Variants in CFAP65 observed in about 807,000 individuals in gnomAD.
CFAP65 encodes the protein cilia and flagella associated protein 65.
Under a neutral mutation model 208.0 loss-of-function variants are expected in CFAP65, and 155 were observed. The ratio of observed to expected loss-of-function variants is 0.75; its 90% CI spans 0.65 to 0.85. The LOEUF is 0.85. CFAP65 is among the 40% of genes least tolerant of loss of function. The probability of loss-of-function intolerance (pLI) is 0.00; values close to 1 mark genes in which losing one functional copy is unlikely to be tolerated. For synonymous variants in CFAP65, 970 were observed against 986.3 expected, an observed-to-expected ratio of 0.98 and a Z score of 0.31; for missense variants, 2,294 against 2,451.3, an observed-to-expected ratio of 0.94 and a Z score of 1.36.
intron 20 of CFAP65, 133 bp from the exon 21 acceptor site, chr2:219,019,312 G>T (rs370960377): frequency 2.4e-6 from 3 of 1,259,418 alleles, no homozygotes; most frequent in African/African-American, 1.5e-5. Flanking sequence ...CGCAAGGGTG[G>T]GCTGGCTCTT....
Position 219,013,285 on chromosome 2 carries a change from TG to T in CFAP65, c.3930del (p.Ile1311LeufsTer21). ...TGCCGTGGGGGTAGCGTGTCACCAA[TG>T]GGAATGGGGATGAACTGGTGGGTAG... ...TSTTHQFIPI[P>X]IGDTLPPRQI... On this transcript the variant is annotated frameshift_variant, in exon 24 of 35. Transcript: ENST00000341552. LOFTEE classifies it high-confidence loss of function. 1 of 1,613,814 alleles carries T rather than the reference TG, an allele frequency of 6.2e-7. No individual in the cohort carries two copies. The highest frequency in any genetic ancestry group is 8.5e-7 in the Non-Finnish European group (1 of 1,179,848).
rs1307408481 is a variant in CFAP65 at position 219,029,480 on chromosome 2, T to C, written c.1573A>G (p.Met525Val). ...GGCTGGAAGGCACAGTGCAGGGTCA[T>C]ACGGGCCTTGCCCACCAGCGTCCCA... is the stretch of plus-strand genomic sequence containing the variant. ...AFGTLVGKAR[M>V]TLHCAFQPTH... The change falls in exon 11 of 35, where the codon ATG becomes GTG. Residue 525 changes from methionine to valine, a missense_variant. By Grantham distance (21) the Met-to-Val change is conservative. Coordinates refer to ENST00000341552, the MANE Select transcript of CFAP65 (RefSeq NM_194302.4). 5 of 1,614,080 alleles carry C rather than the reference T, an allele frequency of 3.1e-6. No individual in the cohort carries two copies. The East Asian group carries it at 1.1e-4, about 36-fold the overall frequency.
intron 21 of CFAP65, chr2:219,015,022 G>T: frequency 6.7e-6 from 1 of 148,684 alleles, no homozygotes. Flanking sequence ...CTGAGAGAAA[G>T]CGCACAAAAG....
chr2:219,006,383 A>G, intron 30 of CFAP65, 82 bp downstream of exon 30: 2 of 1,555,348 alleles, frequency 1.3e-6, no homozygotes, highest in Non-Finnish European at 1.8e-6. Flanking sequence ...AGTCTGGTCC[A>G]GGGGTTGGAG....
Position 219,024,154 on chromosome 2 carries a change from T to C in CFAP65, c.2456A>G (p.Asp819Gly). Residue 819 changes from aspartate (D) to glycine (G), a missense_variant, in exon 15 of 35, where the codon GAC (aspartate) becomes GGC (glycine). By Grantham distance (94) the Asp-to-Gly change is moderately conservative. Coordinates refer to ENST00000341552, the MANE Select transcript of CFAP65 (RefSeq NM_194302.4). ...TFSLAPQRGS[D>G]VILRPTSGLV... Reference sequence around the variant, plus strand: ...GCCCGAAGTGGGCCGAAGGATGACGTCTGAGCCTCTCTGGGGGGCCAGGCT... The same window carrying C: ...GCCCGAAGTGGGCCGAAGGATGACGCCTGAGCCTCTCTGGGGGGCCAGGCT... 1.2e-6 allele frequency: 2 copies of C among 1,613,960 alleles called. No individual in the cohort carries two copies. Among genetic ancestry groups the C allele is most frequent in the Non-Finnish European group, 8.5e-7 (1 of 1,180,008 alleles).
Position 219,005,289 on chromosome 2 carries a change from G to C in CFAP65, c.5051+145C>G, listed in dbSNP as rs1001780685. 3.6e-6 allele frequency: 4 copies of C among 1,123,288 alleles called. No homozygotes were observed. In the Admixed American group the frequency reaches 8.1e-5, roughly 23 times the overall value. 69.6% of individuals were successfully genotyped at this position (1,123,288 alleles called of 1,614,324 possible). On this transcript the variant is annotated intron_variant, in intron 32 of 34. Transcript: ENST00000341552. Reference sequence around the variant, plus strand: ...CACCCGCCCACTGCTGCCTCCCAAAGTGTTGGAATTACAGGCAAGAACCTC... The same window carrying C: ...CACCCGCCCACTGCTGCCTCCCAAACTGTTGGAATTACAGGCAAGAACCTC...
At chr2:219,025,544 G>A (rs934411310) in intron 14 of CFAP65, among the ~76,000 whole-genome samples, 1 of 152,130 alleles carries the variant, frequency 6.6e-6, no homozygotes, top group Non-Finnish European at 1.5e-5. Flanking sequence ...GGTCAGGCAG[G>A]GCTTCTAAGG....
At chr2:219,028,069 C>T in intron 12 of CFAP65, 60 bp from the exon 13 acceptor site, 2 of 1,527,300 alleles carry the variant, frequency 1.3e-6, no homozygotes, top group Non-Finnish European at 1.8e-6. Flanking sequence ...TGTTGCCCCT[C>T]CTGGGTACAC....
chr2:219,021,689 G>T, intron 18 of CFAP65, 91 bp downstream of exon 18: 1 of 1,409,436 alleles, frequency 7.1e-7, no homozygotes, highest in Non-Finnish European at 9.8e-7. Context: ...GGGACTACAG[G>T]CGCGTGCCAG....
At position 219,032,390 on chromosome 2, in the gene CFAP65, G is replaced by T; in HGVS notation, c.645+80C>A. ...CATGTGTGTGTGCCGGGGCGCTCCTGGTTGCTCTGTCCTGTTTTCTGTTCT... is the reference window on the plus strand; with the variant it reads ...CATGTGTGTGTGCCGGGGCGCTCCTTGTTGCTCTGTCCTGTTTTCTGTTCT... On this transcript the variant is annotated intron_variant, in intron 6 of 34. Coordinates refer to ENST00000341552, the MANE Select transcript of CFAP65 (RefSeq NM_194302.4). This position sits in a 1 kb window ranked among gnomAD's most constrained non-coding sequence, Gnocchi z 5.5. 3 of 1,299,788 alleles carry T rather than the reference G, an allele frequency of 2.3e-6. No homozygotes were observed. Among genetic ancestry groups the T allele is most frequent in the African/African-American group, 1.5e-5 (1 of 67,630 alleles). The allele number at this position is 1,299,788 out of a possible 1,614,324, so 80.5% of individuals were successfully genotyped here. A position where few individuals can be genotyped will look rare whatever the true frequency, so the allele number is the denominator to read the frequency against.
At chr2:219,017,022 C>T (rs558455632) in intron 21 of CFAP65, among the ~76,000 whole-genome samples, 10 of 152,324 alleles carry the variant, frequency 6.6e-5, no homozygotes, top group African/African-American at 2.4e-4. Context: ...GTAGCTTTCT[C>T]CAGGAAGCCC....
rs1301145162 is a variant in CFAP65 at position 219,013,321 on chromosome 2, A to C, written c.3895T>G (p.Phe1299Val). Residue 1299 changes from phenylalanine to valine, a missense_variant, in exon 24 of 35, where the codon TTC becomes GTC. Transcript: ENST00000341552. ...TVKPEQKYVH[F>V]TSTTHQFIPI... Reference sequence around the variant, plus strand: ...ATGAACTGGTGGGTAGTAGAGGTGAAGTGCACATACTTCTGCTCCGGCTTC... The same window carrying C: ...ATGAACTGGTGGGTAGTAGAGGTGACGTGCACATACTTCTGCTCCGGCTTC... 6.2e-7 allele frequency: 1 copy of C among 1,613,762 alleles called. No homozygotes were observed. Among genetic ancestry groups the C allele is most frequent in the African/African-American group, 1.3e-5 (1 of 74,902 alleles).
intron 4 of CFAP65, 82 bp from the exon 5 acceptor site, chr2:219,035,746 G>A: frequency 2.6e-6 from 4 of 1,512,916 alleles, no homozygotes; most frequent in African/African-American, 1.4e-5. Context: ...ACAGGTGAAG[G>A]TCTTCGTCCT....
chr2:219,011,800 C>T (rs1946506720), intron 24 of CFAP65, among the ~76,000 whole-genome samples: 1 of 152,236 alleles, frequency 6.6e-6, no homozygotes. Context: ...CACTCCTGAG[C>T]ATGCTGACTC....
chr2:219,010,943 G>C lies in CFAP65; in HGVS notation c.4011C>G (p.Thr1337=). 1 of 1,613,804 alleles carries C rather than the reference G, an allele frequency of 6.2e-7. No individual in the cohort carries two copies. Among genetic ancestry groups the C allele is most frequent in the Non-Finnish European group, 8.5e-7 (1 of 1,179,972 alleles). The change falls in exon 25 of 35, where the codon ACC becomes ACG. Residue 1337 remains threonine, a synonymous_variant. Transcript: ENST00000341552. The part of the protein sequence containing the change: ...GSVPVTYEVQ[T]DVLSQVQEKN... Reference sequence around the variant, plus strand: ...TTTCCTGAACCTGTGACAGGACATCGGTCTGGACCTCATATGTCACGGGCA... The same window carrying C: ...TTTCCTGAACCTGTGACAGGACATCCGTCTGGACCTCATATGTCACGGGCA...
rs555774149 is a variant in CFAP65, at chr2:219,004,071, C to A, written c.5436G>T (p.Ala1812=). The A allele has an allele frequency of 1.2e-6, 2 of 1,613,900 alleles. No homozygotes were observed. Among genetic ancestry groups the A allele is most frequent in the African/African-American group, 1.3e-5 (1 of 74,894 alleles). The change falls in exon 33 of 35, where the codon GCG becomes GCT. Residue 1812 remains alanine, a synonymous_variant. Coordinates refer to ENST00000341552, the MANE Select transcript of CFAP65 (RefSeq NM_194302.4). This position sits in a 1 kb window ranked among gnomAD's most constrained non-coding sequence, Gnocchi z 4.7. ...RDEKEEKVSW[A]GIGPTPQPES... ...CAGGCTGTGGTGTGGGCCCGATGCC[C>A]GCCCAGCTCACTTTCTCTTCCTTCT...
At chr2:219,006,442 G>A (rs1945988656) in intron 30 of CFAP65, 23 bp downstream of exon 30, 2 of 1,613,486 alleles carry the variant, frequency 1.2e-6, no homozygotes, top group Non-Finnish European at 1.7e-6. Flanking sequence ...CCAAGAAGAT[G>A]GGCCTGGGGC....
At position 219,021,842 on chromosome 2, in the gene CFAP65, G is replaced by T. The variant is rs2106174154; in HGVS notation, c.3068C>A (p.Thr1023Asn). The T allele has an allele frequency of 6.2e-7, 1 of 1,613,820 alleles. No individual in the cohort carries two copies. Among genetic ancestry groups the T allele is most frequent in the East Asian group, 2.2e-5 (1 of 44,880 alleles). ...CTCCAGGTAGAGGCGGTAATAGAGG[G>T]TGCAGTTGCCGTCATTCAGGAGGAC... ...FLVLLNDGNC[T>N]LYYRLYLEQG... Residue 1023 changes from threonine (T) to asparagine (N), a missense_variant, in exon 18 of 35, where the codon ACC (threonine) becomes AAC (asparagine). This residue lies in a region of CFAP65 where 1,427 missense variants were observed against 1,438.7 expected (regional missense o/e 0.99). Transcript: ENST00000341552.
intron 20 of CFAP65, 47 bp from the exon 21 acceptor site, chr2:219,019,226 G>T (rs1226631971): frequency 1.3e-6 from 2 of 1,559,122 alleles, no homozygotes; most frequent in African/African-American, 2.7e-5. Context: ...TGGGGCCAGG[G>T]CAGGGCCCTC....
Sources: gnomAD v4.1 joint callset for allele counts (sites outside exome capture counted in the v4.1 genomes callset) on GRCh38, gnomAD v4.1.1 for gene constraint, gnomAD v4.1.1 regional missense constraint, Gnocchi (gnomAD v3.1) non-coding constraint, MANE v1.5 for transcripts, NCBI Gene and HGNC (gene_info 2026-07-23, HGNC 2026-07-21) for gene names.